KCNAB1: variants seen among roughly 807,000 people sequenced by gnomAD.
KCNAB1 encodes voltage-gated potassium channel subunit beta-1.
In KCNAB1, 35 loss-of-function variants were observed where a neutral mutation model predicts 64.6. The observed-to-expected ratio is 0.54, with a 90% CI of 0.41 to 0.72. KCNAB1 has a LOEUF of 0.72. Ranked by LOEUF, KCNAB1 falls within the 30% of genes least tolerant of loss-of-function variation. The pLI, the probability that KCNAB1 is intolerant of heterozygous loss-of-function variation, is 0.00. For missense variants in KCNAB1, 401 were observed against 512.9 expected, an observed-to-expected ratio of 0.78 and a Z score of 2.11; for synonymous variants, 177 against 183.8, an observed-to-expected ratio of 0.96 and a Z score of 0.30.
chr3:156,469,865 G>A (rs973570907), intron 7 of KCNAB1, among the ~76,000 whole-genome samples: 6 of 152,202 alleles, frequency 3.9e-5, no homozygotes, highest in African/African-American at 1.2e-4. Context: ...CATGAGATGA[G>A]ACCCAAAATA....
At chr3:156,441,136 C>T (rs551499899) in intron 2 of KCNAB1, 1 of 152,230 alleles carries the variant, frequency 6.6e-6, no homozygotes, top group South Asian at 2.1e-4. Flanking sequence ...ATCTTGTTTT[C>T]ACTAAGAGAG....
At chr3:156,448,461 T>C (rs1427096193) in intron 2 of KCNAB1, among the ~76,000 whole-genome samples, 1 of 152,230 alleles carries the variant, frequency 6.6e-6, no homozygotes, top group Non-Finnish European at 1.5e-5. Context: ...TAGAAGGCTG[T>C]TGCCCCGTTC....
At chr3:156,494,985 A>G (rs1283211882) in intron 8 of KCNAB1, among the ~76,000 whole-genome samples, 3 of 152,112 alleles carry the variant, frequency 2.0e-5, no homozygotes, top group Admixed American at 2.0e-4. Context: ...TATTAAGGCC[A>G]GCATCCCTTA....
chr3:156,200,211 G>A (rs1714234376), intron 1 of KCNAB1, among the ~76,000 whole-genome samples: 1 of 152,192 alleles, frequency 6.6e-6, no homozygotes, highest in Non-Finnish European at 1.5e-5. Flanking sequence ...TCCCAGAGGG[G>A]AGCCTGCCTG....
At position 156,278,359 on chromosome 3, in the gene KCNAB1, T is replaced by C. The variant is rs560790767; in HGVS notation, c.276-143257T>C. On this transcript the variant is annotated intron_variant, in intron 1 of 13. Coordinates refer to ENST00000490337, the MANE Select transcript of KCNAB1 (RefSeq NM_172160.3). ...CCTCCAGAGTCTGGTTCACTGTAGT[T>C]TTCAAGGGTGAAGATAAATGTTTAT... is the stretch of plus-strand genomic sequence containing the variant. Among the ~76,000 whole-genome samples the C allele has an allele frequency of 2.0e-5, 3 of 152,284 alleles. No individual in the cohort carries two copies. The South Asian group carries it at 6.2e-4, about 32-fold the overall frequency.
rs899022132 is a variant in KCNAB1 at position 156,224,336 on chromosome 3, C to T, written c.275+103450C>T. Among the ~76,000 whole-genome samples, 7 of 152,240 alleles carry T rather than the reference C, an allele frequency of 4.6e-5. No individual in the cohort carries two copies. In the South Asian group the frequency reaches 1.2e-3, roughly 27 times the overall value. ...CACACCTCCCTGCAAGCTGAGGGAGCCGGCTCCGGCCTTGGCCAGCCCAGA... is the reference window on the plus strand; with the variant it reads ...CACACCTCCCTGCAAGCTGAGGGAGTCGGCTCCGGCCTTGGCCAGCCCAGA... On this transcript the variant is annotated intron_variant, in intron 1 of 13. Coordinates refer to ENST00000490337, the MANE Select transcript of KCNAB1 (RefSeq NM_172160.3).
chr3:156,124,361 T>C (rs138645055), intron 1 of KCNAB1, among the ~76,000 whole-genome samples: 1,914 of 151,804 alleles, frequency 0.013, 22 homozygotes, highest in South Asian at 0.023. Context: ...GGATTACAGG[T>C]GGGTGCCATT....
intron 1 of KCNAB1, among the ~76,000 whole-genome samples, chr3:156,359,692 T>A (rs1446877595): frequency 6.6e-6 from 1 of 152,218 alleles, no homozygotes; most frequent in Non-Finnish European, 1.5e-5. Context: ...CTGTAAGTGA[T>A]CAGGTTAGCT....
At chr3:156,342,718 G>A (rs999459761) in intron 1 of KCNAB1, among the ~76,000 whole-genome samples, 6 of 149,322 alleles carry the variant, frequency 4.0e-5, no homozygotes, top group Non-Finnish European at 8.8e-5. Context: ...CCACTAACGT[G>A]TCATCTAGCA....
intron 12 of KCNAB1, among the ~76,000 whole-genome samples, chr3:156,529,419 TA>T (rs1168530596): frequency 5.9e-5 from 9 of 151,674 alleles, no homozygotes; most frequent in African/African-American, 2.2e-4. Flanking sequence ...GGTAAATTTA[TA>T]AAAATTATTT....
intron 8 of KCNAB1, among the ~76,000 whole-genome samples, chr3:156,479,772 A>C (rs1355063682): frequency 6.6e-6 from 1 of 152,016 alleles, no homozygotes; most frequent in Non-Finnish European, 1.5e-5. Context: ...CCAGTTATTA[A>C]TTTTTTCCTG....
At chr3:156,348,300 G>A (rs77417310) in intron 1 of KCNAB1, among the ~76,000 whole-genome samples, 16,261 of 152,200 alleles carry the variant, frequency 0.11, 967 homozygotes, top group Middle Eastern at 0.21. Context: ...AAAGAACTTC[G>A]CTTGGATGCA....
At chr3:156,391,233 T>C (rs560342627) in intron 1 of KCNAB1, among the ~76,000 whole-genome samples, 1 of 152,330 alleles carries the variant, frequency 6.6e-6, no homozygotes, top group African/African-American at 2.4e-5. Flanking sequence ...GGAGTGGCCT[T>C]GGGCAAGTTA....
At chr3:156,168,993 C>T (rs1034478755) in intron 1 of KCNAB1, among the ~76,000 whole-genome samples, 4 of 142,586 alleles carry the variant, frequency 2.8e-5, no homozygotes, top group East Asian at 2.2e-4. Context: ...AGAAATAAGG[C>T]GAGGGATGAT....
chr3:156,166,032 G>A (rs1253525453), intron 1 of KCNAB1, among the ~76,000 whole-genome samples: 1 of 152,176 alleles, frequency 6.6e-6, no homozygotes, highest in African/African-American at 2.4e-5. Context: ...TTTCTGGCTG[G>A]AGCTTGGGCC....
intron 1 of KCNAB1, among the ~76,000 whole-genome samples, chr3:156,325,685 G>T (rs1021752940): frequency 6.6e-6 from 1 of 151,910 alleles, no homozygotes; most frequent in Non-Finnish European, 1.5e-5. Flanking sequence ...AGGTGTGGTG[G>T]CTCACACCTG....
intron 1 of KCNAB1, among the ~76,000 whole-genome samples, chr3:156,316,686 G>C (rs1269240255): frequency 6.6e-6 from 1 of 152,214 alleles, no homozygotes; most frequent in African/African-American, 2.4e-5. Context: ...CTGAAGAGAG[G>C]GTGGTGCCTG....
At position 156,128,573 on chromosome 3, in the gene KCNAB1, T is replaced by C. The variant is rs1713803951; in HGVS notation, c.275+7687T>C. On this transcript the variant is annotated intron_variant, in intron 1 of 13. Transcript: ENST00000490337. ...TTGTCGTGCATTATCTCATTTGCCTTCACATGACATAGAGCAGGTGTTCTC... is the reference window on the plus strand; with the variant it reads ...TTGTCGTGCATTATCTCATTTGCCTCCACATGACATAGAGCAGGTGTTCTC... Among the ~76,000 whole-genome samples the C allele has an allele frequency of 2.0e-5, 3 of 152,232 alleles. No homozygotes were observed. In the South Asian group the frequency reaches 6.2e-4, roughly 31 times the overall value.
intron 1 of KCNAB1, among the ~76,000 whole-genome samples, chr3:156,263,001 C>T (rs138483084): frequency 0.016 from 2,359 of 151,790 alleles, 32 homozygotes; most frequent in Non-Finnish European, 0.021. Context: ...GTTATATCCC[C>T]CTTTTAATTT....
Sources: gnomAD v4.1 joint callset for allele counts (sites outside exome capture counted in the v4.1 genomes callset) on GRCh38, gnomAD v4.1.1 for gene constraint, MANE v1.5 for transcripts, NCBI Gene and HGNC (gene_info 2026-07-23, HGNC 2026-07-21) for gene names.